The following MAPKAP1 variants were observed in gnomAD, a reference collection of about 807,000 sequenced individuals.
MAPKAP1 encodes the protein MAPK associated protein 1.
A neutral mutation model predicts 65.7 loss-of-function variants in MAPKAP1; 20 were observed. The ratio of observed to expected loss-of-function variants is 0.30; its 90% confidence interval spans 0.21 to 0.44. The LOEUF (loss-of-function observed/expected upper bound fraction) is 0.44. MAPKAP1 is among the 20% of genes least tolerant of loss of function. MAPKAP1 has a pLI of 1.00. For synonymous variants in MAPKAP1, 222 were observed against 244.3 expected (o/e 0.91, Z 0.85); for missense variants, 423 against 648.0 (o/e 0.65, Z 3.77).
chr9:125,464,390 A>G (rs1271214367), intron 10 of MAPKAP1, among the ~76,000 whole-genome samples: 2 of 152,186 alleles, frequency 1.3e-5, no homozygotes, highest in Non-Finnish European at 2.9e-5. Flanking sequence ...TTAGGGGCTT[A>G]TGACGTCTTT....
At chr9:125,605,697 C>G (rs1832421705) in intron 4 of MAPKAP1, among the ~76,000 whole-genome samples, 1 of 152,174 alleles carries the variant, frequency 6.6e-6, no homozygotes, top group Non-Finnish European at 1.5e-5. Context: ...CTGCAGTCAG[C>G]TGGAATTTGG....
Position 125,595,783 on chromosome 9 carries a change from G to T in MAPKAP1, c.499-10056C>A. 1.7e-6 allele frequency: 2 copies of T among 1,198,210 alleles called. No individual in the cohort carries two copies. The highest frequency in any genetic ancestry group is 1.7e-5 in the Admixed American group (1 of 58,340). 74.2% of individuals were successfully genotyped at this position (1,198,210 alleles called of 1,614,324 possible). On this transcript the variant is annotated intron_variant, in intron 4 of 11. Coordinates refer to ENST00000265960, the MANE Select transcript of MAPKAP1 (RefSeq NM_001006617.3). The surrounding 1 kb of genome is among the most constrained non-coding windows in gnomAD (Gnocchi z 4.0). ...GGAGCCATTGTGAGCAATGGGGAAC[G>T]CTCCCAGACTGTGTGGTAATGAAAG...
intron 7 of MAPKAP1, among the ~76,000 whole-genome samples, chr9:125,540,318 C>A (rs1830204765): frequency 6.6e-6 from 1 of 152,124 alleles, no homozygotes; most frequent in Non-Finnish European, 1.5e-5. Context: ...TGTTTAAGTT[C>A]TAAATTTATT....
intron 10 of MAPKAP1, among the ~76,000 whole-genome samples, chr9:125,453,512 A>G (rs1195199091): frequency 6.6e-6 from 1 of 152,272 alleles, no homozygotes. Context: ...GTTTTTGGAA[A>G]AGTGAGGCAT....
At chr9:125,648,153 G>A (rs1209664326) in intron 4 of MAPKAP1, among the ~76,000 whole-genome samples, 3 of 152,128 alleles carry the variant, frequency 2.0e-5, no homozygotes, top group Non-Finnish European at 2.9e-5. Context: ...AAAAAGAGCT[G>A]TGGTACTGGA....
intron 4 of MAPKAP1, among the ~76,000 whole-genome samples, chr9:125,597,523 C>T (rs988214165): frequency 6.6e-6 from 1 of 152,174 alleles, no homozygotes; most frequent in Non-Finnish European, 1.5e-5. Context: ...GCTAGCATTG[C>T]TATTTAATAT....
chr9:125,507,864 A>T (rs973827080), intron 7 of MAPKAP1, among the ~76,000 whole-genome samples: 49 of 152,006 alleles, frequency 3.2e-4, no homozygotes, highest in Non-Finnish European at 5.7e-4. Flanking sequence ...TTTTTTTTTA[A>T]AATTCTAATT....
rs79370820 is a variant in MAPKAP1, at chr9:125,691,870, A to G, written c.-70+15101T>C. Among the ~76,000 whole-genome samples the G allele has an allele frequency of 3.8e-3, 579 of 152,352 alleles. 4 individuals carry two copies. Among genetic ancestry groups the G allele is most frequent in the African/African-American group, 0.013 (541 of 41,572 alleles). On this transcript the variant is annotated intron_variant, in intron 1 of 11. Transcript: ENST00000265960. ...TTTGACTTCCTATCACTAATGCCCA[A>G]TATATATGCCTGGTACCCACATGCT... is the stretch of plus-strand genomic sequence containing the variant.
At chr9:125,571,484 G>A (rs1831229425) in intron 5 of MAPKAP1, among the ~76,000 whole-genome samples, 1 of 152,216 alleles carries the variant, frequency 6.6e-6, no homozygotes, top group African/African-American at 2.4e-5. Context: ...GAATGTTCAT[G>A]AATATCTAAT....
chr9:125,454,823 G>T (rs1238150138), intron 10 of MAPKAP1, among the ~76,000 whole-genome samples: 1 of 152,104 alleles, frequency 6.6e-6, no homozygotes, highest in Non-Finnish European at 1.5e-5. Context: ...AAGCAAGGAT[G>T]AAATTTGTTT....
intron 5 of MAPKAP1, among the ~76,000 whole-genome samples, chr9:125,575,923 C>T (rs1831380393): frequency 6.6e-6 from 1 of 152,094 alleles, no homozygotes; most frequent in Admixed American, 6.6e-5. Context: ...ATTCATAATT[C>T]CCAAAAATTA....
chr9:125,599,051 C>A (rs1247086347), intron 4 of MAPKAP1, among the ~76,000 whole-genome samples: 1 of 150,350 alleles, frequency 6.7e-6, no homozygotes, highest in Non-Finnish European at 1.5e-5. Flanking sequence ...AAAAAAAAGA[C>A]TTCATGTAAA....
intron 10 of MAPKAP1, among the ~76,000 whole-genome samples, chr9:125,453,519 G>A (rs1045136874): frequency 6.6e-6 from 1 of 152,224 alleles, no homozygotes; most frequent in African/African-American, 2.4e-5. Flanking sequence ...GAAAAGTGAG[G>A]CATATTTTAA....
chr9:125,516,296 C>T (rs1033453098), intron 7 of MAPKAP1, among the ~76,000 whole-genome samples: 4 of 152,110 alleles, frequency 2.6e-5, no homozygotes, highest in East Asian at 1.9e-4. Context: ...GTCTTCAAGT[C>T]GACAGAAAGC....
At chr9:125,632,818 C>A (rs549440523) in intron 4 of MAPKAP1, among the ~76,000 whole-genome samples, 1 of 152,194 alleles carries the variant, frequency 6.6e-6, no homozygotes, top group Non-Finnish European at 1.5e-5. Context: ...TGTGCCTCGT[C>A]TCTCAGCCAG....
intron 5 of MAPKAP1, among the ~76,000 whole-genome samples, chr9:125,575,189 T>C (rs1375917784): frequency 1.3e-5 from 2 of 152,148 alleles, no homozygotes; most frequent in Non-Finnish European, 2.9e-5. Flanking sequence ...AAAAAATTTG[T>C]GCCACTACAA....
At chr9:125,456,515 G>A (rs1307990463) in intron 10 of MAPKAP1, among the ~76,000 whole-genome samples, 1 of 152,170 alleles carries the variant, frequency 6.6e-6, no homozygotes. Context: ...CCCTTGTCTT[G>A]TTTGTGGCCT....
At chr9:125,698,296 T>TATATATATATATATAAA (rs1835471322) in intron 1 of MAPKAP1, among the ~76,000 whole-genome samples, 1 of 10,064 alleles carries the variant, frequency 9.9e-5, no homozygotes, top group African/African-American at 4.3e-4. Flanking sequence ...TAAATATATA[T>TATATATATATATATAAA]ATATATATAT....
chr9:125,684,842 C>T (rs769096112), intron 1 of MAPKAP1, among the ~76,000 whole-genome samples: 51 of 152,250 alleles, frequency 3.3e-4, no homozygotes, highest in African/African-American at 1.0e-3. Flanking sequence ...CTACCACACC[C>T]GGCTAATTTT....
Sources: allele counts gnomAD v4.1 joint callset (sites outside exome capture counted in the v4.1 genomes callset), GRCh38; gene constraint gnomAD v4.1.1; non-coding constraint Gnocchi (gnomAD v3.1); transcripts MANE v1.5; gene names NCBI Gene and HGNC (gene_info 2026-07-23, HGNC 2026-07-21).